SEMA4D: variants seen among roughly 807,000 people sequenced by gnomAD.
The protein encoded by SEMA4D is semaphorin-4D.
Under a neutral mutation model 74.8 loss-of-function variants are expected in SEMA4D, and 22 were observed. That is an observed-to-expected ratio of 0.29 (90% confidence interval 0.21 to 0.42). The LOEUF (loss-of-function observed/expected upper bound fraction) is 0.42, where lower values mean the gene tolerates loss of function less well. SEMA4D is among the 10% of genes least tolerant of loss of function. The probability of loss-of-function intolerance (pLI) is 1.00; values close to 1 mark genes in which losing one functional copy is unlikely to be tolerated. For missense variants in SEMA4D, 937 were observed against 1,118.4 expected (o/e 0.84, Z 2.31); for synonymous variants, 445 against 463.7 (o/e 0.96, Z 0.52).
chr9:89,402,085 T>C (rs1432448697), intron 4 of SEMA4D, among the ~76,000 whole-genome samples: 2 of 152,186 alleles, frequency 1.3e-5, no homozygotes, highest in East Asian at 1.9e-4. Context: ...TGGTGGCACA[T>C]ACTTACAGTC....
chr9:89,434,452 T>C (rs1849957298), intron 2 of SEMA4D, among the ~76,000 whole-genome samples: 1 of 152,226 alleles, frequency 6.6e-6, no homozygotes, highest in East Asian at 1.9e-4. Flanking sequence ...GTAAAAATGT[T>C]AGTCTGTCTT....
At chr9:89,488,559 G>T (rs1181646696) in intron 1 of SEMA4D, among the ~76,000 whole-genome samples, 8 of 151,932 alleles carry the variant, frequency 5.3e-5, no homozygotes, top group African/African-American at 1.9e-4. Context: ...TTTTAGTAGA[G>T]ACAGGGTTTC....
intron 2 of SEMA4D, among the ~76,000 whole-genome samples, chr9:89,434,507 A>G (rs1849968919): frequency 6.6e-6 from 1 of 152,196 alleles, no homozygotes; most frequent in Admixed American, 6.5e-5. Flanking sequence ...CAGGCCCTAG[A>G]AACAGCATCT....
intron 13 of SEMA4D, chr9:89,385,135 G>A (rs1309484090): frequency 1.1e-6 from 1 of 902,894 alleles, no homozygotes; most frequent in Admixed American, 6.2e-5. Context: ...ATGGCGGGTG[G>A]GCACTGACCC....
chr9:89,419,841 C>CA (rs1192626224), intron 2 of SEMA4D, among the ~76,000 whole-genome samples: 1 of 152,096 alleles, frequency 6.6e-6, no homozygotes, highest in East Asian at 1.9e-4. Flanking sequence ...CGCTTGAACT[C>CA]AGGAGGTGGA....
intron 2 of SEMA4D, among the ~76,000 whole-genome samples, chr9:89,427,425 A>T (rs1156575171): frequency 6.6e-6 from 1 of 152,134 alleles, no homozygotes; most frequent in East Asian, 1.9e-4. Flanking sequence ...CCTCCCTGAG[A>T]CAGCCGGGGC....
At chr9:89,481,257 C>G (rs1399575093) in intron 1 of SEMA4D, among the ~76,000 whole-genome samples, 1 of 152,178 alleles carries the variant, frequency 6.6e-6, no homozygotes, top group African/African-American at 2.4e-5. Flanking sequence ...ACAGAGGGGA[C>G]AGCTGGAGAG....
chr9:89,362,303 C>T (rs1250647685), exon 19 of SEMA4D: 59 of 1,603,730 alleles, frequency 3.7e-5, no homozygotes, highest in Non-Finnish European at 4.4e-5. Context: ...AGACAGTTCA[C>T]AGTTGTGGGG....
At chr9:89,493,845 G>T (rs1344563741) in intron 1 of SEMA4D, among the ~76,000 whole-genome samples, 1 of 152,194 alleles carries the variant, frequency 6.6e-6, no homozygotes, top group Non-Finnish European at 1.5e-5. Flanking sequence ...CCAGGTCCAG[G>T]TCAGCCAACC....
chr9:89,372,258 GGGTGTGT>G (rs1473776342), downstream of SEMA4D, among the ~76,000 whole-genome samples: 1 of 118,536 alleles, frequency 8.4e-6, no homozygotes, highest in Non-Finnish European at 1.8e-5. Flanking sequence ...GGGCTGTGGT[GGGTGTGT>G]GGGGTGTGGT....
downstream of SEMA4D, chr9:89,376,765 C>T (rs972074830): frequency 5.3e-6 from 8 of 1,500,608 alleles, no homozygotes; most frequent in African/African-American, 2.8e-5. Flanking sequence ...AGGATGCCCC[C>T]GCCCGCCCCC....
intron 4 of SEMA4D, 80 bp from the exon 5 acceptor site, chr9:89,399,418 G>C: frequency 9.0e-7 from 1 of 1,106,076 alleles, no homozygotes; most frequent in East Asian, 2.4e-5. Flanking sequence ...AAAAGCACAT[G>C]ATAGAGTTTA....
At chr9:89,363,707 T>A in intron 17 of SEMA4D, 1 of 1,602,912 alleles carries the variant, frequency 6.2e-7, no homozygotes, top group South Asian at 1.1e-5. Flanking sequence ...AATTACCTCA[T>A]AAAAGGGTAA....
chr9:89,364,015 G>A (rs1162821248), intron 16 of SEMA4D: 5 of 1,612,966 alleles, frequency 3.1e-6, no homozygotes, highest in Admixed American at 1.7e-5. Flanking sequence ...TGCCCCATGA[G>A]GGTGCAGGGG....
intron 1 of SEMA4D, among the ~76,000 whole-genome samples, chr9:89,488,656 A>G (rs1825391149): frequency 6.6e-6 from 1 of 152,200 alleles, no homozygotes; most frequent in Non-Finnish European, 1.5e-5. Flanking sequence ...TACAGGCGTG[A>G]GCCACCACGC....
intron 2 of SEMA4D, among the ~76,000 whole-genome samples, chr9:89,443,581 G>A (rs1332041532): frequency 6.6e-6 from 1 of 152,254 alleles, no homozygotes; most frequent in African/African-American, 2.4e-5. Context: ...ATCTGCCTGG[G>A]GTAGGCGGGT....
exon 19 of SEMA4D, chr9:89,361,101 TGGTTCCGTGA>T (rs1267909799): frequency 1.2e-4 from 19 of 152,328 alleles, no homozygotes; most frequent in African/African-American, 4.1e-4. Flanking sequence ...GAGTATGTGA[TGGTTCCGTGA>T]GCAAGACTGG....
chr9:89,488,772 A>C (rs1224079693), intron 1 of SEMA4D, among the ~76,000 whole-genome samples: 1 of 152,250 alleles, frequency 6.6e-6, no homozygotes, highest in Non-Finnish European at 1.5e-5. Flanking sequence ...AAGATTTCTT[A>C]AATAGGGTAC....
At chr9:89,474,843 G>A (rs1861375176) in intron 1 of SEMA4D, among the ~76,000 whole-genome samples, 1 of 152,224 alleles carries the variant, frequency 6.6e-6, no homozygotes, top group African/African-American at 2.4e-5. Context: ...CGGAGACTCT[G>A]CTCTCAGGTC....
Sources: allele counts gnomAD v4.1 joint callset (sites outside exome capture counted in the v4.1 genomes callset), GRCh38; gene constraint gnomAD v4.1.1; transcripts MANE v1.5; gene names NCBI Gene and HGNC (gene_info 2026-07-23, HGNC 2026-07-21).